The following ZRANB3 variants were observed in gnomAD, a reference collection of about 807,000 sequenced individuals.
The protein encoded by ZRANB3 is DNA annealing helicase and endonuclease ZRANB3.
A neutral mutation model predicts 133.8 loss-of-function variants in ZRANB3; 125 were observed. The ratio of observed to expected loss-of-function variants is 0.93; its 90% CI spans 0.81 to 1.08. The LOEUF (loss-of-function observed/expected upper bound fraction) is 1.08, where lower values mean the gene tolerates loss of function less well. ZRANB3 is among the 50% of genes least tolerant of loss of function. The probability of loss-of-function intolerance (pLI) is 0.00; values close to 1 mark genes in which losing one functional copy is unlikely to be tolerated. For missense variants in ZRANB3, 1,229 were observed against 1,275.5 expected (o/e 0.96, Z 0.56); for synonymous variants, 387 against 432.7 (o/e 0.89, Z 1.31).
At chr2:135,376,566 C>G (rs910760596) in intron 3 of ZRANB3, among the ~76,000 whole-genome samples, 14 of 152,132 alleles carry the variant, frequency 9.2e-5, no homozygotes, top group Non-Finnish European at 1.0e-4. Context: ...ATGCATATTG[C>G]TAAGTTAATA....
At chr2:135,493,682 A>T (rs1281419723) in intron 2 of ZRANB3, among the ~76,000 whole-genome samples, 2 of 152,182 alleles carry the variant, frequency 1.3e-5, no homozygotes, top group Non-Finnish European at 2.9e-5. Context: ...GTTGACAGAG[A>T]TGTGGATCAT....
At chr2:135,434,993 TA>T (rs1558997468) in intron 2 of ZRANB3, among the ~76,000 whole-genome samples, 1 of 152,120 alleles carries the variant, frequency 6.6e-6, no homozygotes, top group Non-Finnish European at 1.5e-5. Context: ...ACTTTTTTTT[TA>T]AATTTGTACT....
At chr2:135,311,664 C>A (rs1682983275) in intron 8 of ZRANB3, among the ~76,000 whole-genome samples, 1 of 152,012 alleles carries the variant, frequency 6.6e-6, no homozygotes, top group Non-Finnish European at 1.5e-5. Context: ...GCAGAAGGAT[C>A]CCTAGAGCCC....
At chr2:135,265,753 T>A in intron 11 of ZRANB3, 67 bp from the exon 12 acceptor site, 1 of 1,490,262 alleles carries the variant, frequency 6.7e-7, no homozygotes, top group South Asian at 1.4e-5. Flanking sequence ...ACTAAGTAAC[T>A]TGATTTTGCA....
intron 2 of ZRANB3, among the ~76,000 whole-genome samples, chr2:135,415,734 C>G (rs931310180): frequency 3.3e-5 from 5 of 152,174 alleles, no homozygotes; most frequent in Non-Finnish European, 7.3e-5. Context: ...CCGAATCCAG[C>G]AGCACATCAA....
At chr2:135,492,060 C>G (rs1386525487) in intron 2 of ZRANB3, among the ~76,000 whole-genome samples, 2 of 152,054 alleles carry the variant, frequency 1.3e-5, no homozygotes, top group Non-Finnish European at 2.9e-5. Flanking sequence ...CTTTAAATTA[C>G]TAATGGTTTA....
At chr2:135,248,424 T>A (rs1455246428) in intron 12 of ZRANB3, among the ~76,000 whole-genome samples, 1 of 152,150 alleles carries the variant, frequency 6.6e-6, no homozygotes, top group Non-Finnish European at 1.5e-5. Context: ...AAAGCAACAG[T>A]TGACAAGTGG....
At chr2:135,430,434 TAAAA>T (rs76026768) in intron 2 of ZRANB3, among the ~76,000 whole-genome samples, 20 of 143,868 alleles carry the variant, frequency 1.4e-4, no homozygotes, top group Non-Finnish European at 2.5e-4. Flanking sequence ...GTAAGAAGAT[TAAAA>T]AAAAAAAACC....
chr2:135,255,982 C>G (rs192084247), intron 12 of ZRANB3, among the ~76,000 whole-genome samples: 5 of 150,342 alleles, frequency 3.3e-5, no homozygotes, highest in Non-Finnish European at 7.4e-5. Flanking sequence ...GGAGAAATCA[C>G]GGCTCACTAC....
At position 135,271,852 on chromosome 2, in the gene ZRANB3, A is replaced by C. The variant is rs1249520380; in HGVS notation, c.1122T>G (p.Ser374=). 1 of 1,613,780 alleles carries C rather than the reference A, an allele frequency of 6.2e-7. No homozygotes were observed. The highest frequency in any genetic ancestry group is 2.2e-5 in the East Asian group (1 of 44,870). ...RYIRIDGSVS[S]SERIHLVNQF... is the part of the protein sequence containing the mutation. The stretch of plus-strand genomic sequence containing the variant: ...GATTAACCAGATGTATTCTTTCTGA[A>C]GATGAAACACTTCCATCTATCCTAA... The change falls in exon 10 of 21, where the codon TCT becomes TCG. Residue 374 remains serine, a synonymous_variant. Coordinates refer to ENST00000264159, the MANE Select transcript of ZRANB3 (RefSeq NM_032143.4).
intron 2 of ZRANB3, among the ~76,000 whole-genome samples, chr2:135,479,975 C>G (rs1425779367): frequency 2.6e-5 from 4 of 151,686 alleles, no homozygotes; most frequent in Admixed American, 2.6e-4. Context: ...GCTCTGTCAC[C>G]CAGGCTGGAG....
chr2:135,410,206 G>A (rs1294712676), intron 2 of ZRANB3, among the ~76,000 whole-genome samples: 1 of 152,102 alleles, frequency 6.6e-6, no homozygotes, highest in Non-Finnish European at 1.5e-5. Context: ...GAACAAAGCT[G>A]GAGGCATCAC....
chr2:135,489,896 A>G (rs1369027986), intron 2 of ZRANB3, among the ~76,000 whole-genome samples: 2 of 152,206 alleles, frequency 1.3e-5, no homozygotes, highest in African/African-American at 4.8e-5. Context: ...GCCAAAATGA[A>G]AAAAGTAAAA....
At chr2:135,317,179 T>C (rs2104829332) in intron 6 of ZRANB3, among the ~76,000 whole-genome samples, 1 of 152,146 alleles carries the variant, frequency 6.6e-6, no homozygotes, top group African/African-American at 2.4e-5. Flanking sequence ...ATAAATTGAA[T>C]TGCTGAAACT....
chr2:135,420,833 A>G (rs1206763640), intron 2 of ZRANB3, among the ~76,000 whole-genome samples: 1 of 152,176 alleles, frequency 6.6e-6, no homozygotes, highest in Non-Finnish European at 1.5e-5. Context: ...ATGTAAAGAA[A>G]TTAAAGGAAA....
chr2:135,357,127 C>CA (rs1685473513), intron 3 of ZRANB3, among the ~76,000 whole-genome samples: 1 of 152,066 alleles, frequency 6.6e-6, no homozygotes, highest in Admixed American at 6.6e-5. Context: ...GAGACAGTGT[C>CA]ACTCTGTCAC....
intron 8 of ZRANB3, among the ~76,000 whole-genome samples, chr2:135,296,319 T>G (rs932082487): frequency 4.6e-5 from 7 of 152,226 alleles, no homozygotes; most frequent in Non-Finnish European, 7.3e-5. Flanking sequence ...TTGCTTCATT[T>G]CATTCATTTG....
chr2:135,266,294 T>C (rs578095760), intron 11 of ZRANB3, among the ~76,000 whole-genome samples: 28 of 152,296 alleles, frequency 1.8e-4, no homozygotes, highest in Middle Eastern at 3.4e-3. Context: ...ACATGACAGA[T>C]AGCAGGCCCT....
intron 6 of ZRANB3, among the ~76,000 whole-genome samples, chr2:135,315,801 C>T (rs1002725783): frequency 6.6e-6 from 1 of 152,176 alleles, no homozygotes; most frequent in African/African-American, 2.4e-5. Flanking sequence ...CTGTGAATTG[C>T]ACTAGGTCAC....
Sources: gnomAD v4.1 joint callset for allele counts (sites outside exome capture counted in the v4.1 genomes callset) on GRCh38, gnomAD v4.1.1 for gene constraint, MANE v1.5 for transcripts, NCBI Gene and HGNC (gene_info 2026-07-23, HGNC 2026-07-21) for gene names.